CCDC18: variants seen among roughly 807,000 people sequenced by gnomAD.
The protein encoded by CCDC18 is coiled-coil domain-containing protein 18.
A neutral mutation model predicts 196.0 loss-of-function variants in CCDC18; 157 were observed. The observed-to-expected ratio is 0.80, with a 90% CI of 0.70 to 0.91. The LOEUF is 0.91. Ranked by LOEUF, CCDC18 falls within the 40% of genes least tolerant of loss-of-function variation. CCDC18 has a pLI of 0.00. For synonymous variants in CCDC18, 482 were observed against 529.2 expected (o/e 0.91, Z 1.22); for missense variants, 1,465 against 1,611.6 (o/e 0.91, Z 1.56).
intron 23 of CCDC18, among the ~76,000 whole-genome samples, chr1:93,252,019 G>GTCTATCTATCTATCTATCTATCTATCTA (rs55887771): frequency 1.3e-4 from 19 of 150,364 alleles, no homozygotes; most frequent in African/African-American, 4.2e-4. Flanking sequence ...CTATCTGTCT[G>GTCTATCTATCTATCTATCTATCTATCTA]TCTATCTATC....
chr1:93,250,391 A>G (rs989648083), intron 23 of CCDC18, among the ~76,000 whole-genome samples: 4 of 151,776 alleles, frequency 2.6e-5, no homozygotes, highest in Non-Finnish European at 5.9e-5. Context: ...AAAAAAAAAA[A>G]AAAAAAGAAA....
intron 6 of CCDC18, among the ~76,000 whole-genome samples, chr1:93,195,446 G>A (rs1652565667): frequency 6.6e-6 from 1 of 152,160 alleles, no homozygotes; most frequent in Non-Finnish European, 1.5e-5. Flanking sequence ...GGTATGACAT[G>A]AAGACTCTTG....
chr1:93,239,652 T>A (rs773708688), intron 20 of CCDC18, 31 bp from the exon 21 acceptor site: 10 of 1,474,898 alleles, frequency 6.8e-6, no homozygotes, highest in Non-Finnish European at 9.4e-6. Flanking sequence ...GGTTTACATA[T>A]AGTTATAAAA....
chr1:93,253,675 G>C (rs1662559891), intron 23 of CCDC18, among the ~76,000 whole-genome samples: 1 of 152,236 alleles, frequency 6.6e-6, no homozygotes, highest in African/African-American at 2.4e-5. Flanking sequence ...GATGTCAGCA[G>C]GGAGAGAGCC....
Position 93,246,088 on chromosome 1 carries a change from C to T in CCDC18, c.2982-17C>T. 6.5e-7 allele frequency: 1 copy of T among 1,537,634 alleles called. No individual in the cohort carries two copies. Among genetic ancestry groups the T allele is most frequent in the Non-Finnish European group, 8.8e-7 (1 of 1,132,088 alleles). On this transcript the variant is annotated splice_polypyrimidine_tract_variant and intron_variant, in intron 21 of 28. Coordinates refer to ENST00000690025, the MANE Select transcript of CCDC18 (RefSeq NM_001378204.1). ...TTCTACTATCTGCTTTGATCTTTTTCCTTTGATAAATTGTAGAGAATGCAA... is the reference window on the plus strand; with the variant it reads ...TTCTACTATCTGCTTTGATCTTTTTTCTTTGATAAATTGTAGAGAATGCAA...
Position 93,239,745 on chromosome 1 carries a change from C to T in CCDC18, c.2830C>T (p.Arg944Trp), listed in dbSNP as rs781223207. The T allele has an allele frequency of 5.2e-5, 84 of 1,613,540 alleles. No homozygotes were observed. The highest frequency in any genetic ancestry group is 6.5e-5 in the Non-Finnish European group (77 of 1,179,792). Reference sequence around the variant, plus strand: ...TGAACTAACAGAAGCCTTGCAAAAACGGGAAGTACTTGAGACTGAACTACA... The same window carrying T: ...TGAACTAACAGAAGCCTTGCAAAAATGGGAAGTACTTGAGACTGAACTACA... ...ETELTEALQK[R>W]EVLETELQNA... is the part of the protein sequence containing the mutation. The change falls in exon 21 of 29, where the codon CGG becomes TGG. Residue 944 changes from arginine to tryptophan, a missense_variant. Coordinates refer to ENST00000690025, the MANE Select transcript of CCDC18 (RefSeq NM_001378204.1).
Position 93,258,844 on chromosome 1 carries a change from T to C in CCDC18, c.3643T>C (p.Ser1215Pro), listed in dbSNP as rs1557702474. The change falls in exon 26 of 29, where the codon TCA becomes CCA. Residue 1215 changes from serine (S) to proline (P), a missense_variant. Physicochemically the swap from Ser to Pro is moderately conservative, Grantham distance 74. Coordinates refer to ENST00000690025, the MANE Select transcript of CCDC18 (RefSeq NM_001378204.1). ...AATGCAAGCAGAAATCAAGAAATTG[T>C]CAGCAGAAGTAGAATCTCTCAAAGA... is the stretch of plus-strand genomic sequence containing the variant. ...ARMQAEIKKL[S>P]AEVESLKEAY... The C allele has an allele frequency of 1.2e-6, 2 of 1,602,288 alleles. No individual in the cohort carries two copies. The highest frequency in any genetic ancestry group is 1.1e-5 in the South Asian group (1 of 88,646).
chr1:93,270,566 G>C lies in CCDC18; in HGVS notation c.4105G>C (p.Asp1369His), dbSNP rs1237915675. The change falls in exon 28 of 29, where the codon GAT becomes CAT. Residue 1369 changes from aspartate (D) to histidine (H), a missense_variant. By Grantham distance (81) the Asp-to-His change is moderately conservative. Coordinates refer to ENST00000690025, the MANE Select transcript of CCDC18 (RefSeq NM_001378204.1). ...TACTTTCAAAATTCATGGTGATGAA[G>C]ATCTTTCTGAAGAATTACTACAGGA... ...DLTFKIHGDE[D>H]LSEELLQDLK... 1.3e-6 allele frequency: 2 copies of C among 1,550,258 alleles called. No individual in the cohort carries two copies. The highest frequency in any genetic ancestry group is 1.7e-6 in the Non-Finnish European group (2 of 1,146,914).
chr1:93,278,050 G>A (rs1041643831), intron 28 of CCDC18, among the ~76,000 whole-genome samples: 1 of 151,770 alleles, frequency 6.6e-6, no homozygotes, highest in East Asian at 1.9e-4. Flanking sequence ...GCAGTGGTGC[G>A]ATCTCGGCTC....
At chr1:93,248,972 C>CAAAAAA (rs71586786) in intron 23 of CCDC18, among the ~76,000 whole-genome samples, 1 of 95,758 alleles carries the variant, frequency 1.0e-5, no homozygotes, top group African/African-American at 3.6e-5. Context: ...AACCCTGTCT[C>CAAAAAA]AAAAAAAAAA....
chr1:93,210,122 G>A (rs776333266), intron 9 of CCDC18, among the ~76,000 whole-genome samples: 1 of 152,152 alleles, frequency 6.6e-6, no homozygotes, highest in Non-Finnish European at 1.5e-5. Flanking sequence ...TTTGTTTCTT[G>A]TAGTGCTAAG....
In CCDC18 at chr1:93,270,502, G is replaced by C; in HGVS notation, c.4041G>C (p.Lys1347Asn). The C allele has an allele frequency of 6.5e-7, 1 of 1,550,376 alleles. No individual in the cohort carries two copies. The change falls in exon 28 of 29, where the codon AAG becomes AAC. Residue 1347 changes from lysine to asparagine, a missense_variant. By Grantham distance (94) the Lys-to-Asn change is moderately conservative. Transcript: ENST00000690025. ...FAKCFHTSFS[K>N]CTKLRRSISA... Reference sequence around the variant, plus strand: ...AATGTTTTCACACATCTTTTTCCAAGTGTACAAAATTACGTCGCTCTATTA... The same window carrying C: ...AATGTTTTCACACATCTTTTTCCAACTGTACAAAATTACGTCGCTCTATTA...
intron 20 of CCDC18, 88 bp from the exon 21 acceptor site, chr1:93,239,595 A>T: frequency 7.5e-7 from 1 of 1,341,106 alleles, no homozygotes; most frequent in Non-Finnish European, 1.0e-6. Context: ...CCTCTCGTAG[A>T]TGAATATAAT....
intron 21 of CCDC18, among the ~76,000 whole-genome samples, chr1:93,241,310 C>T (rs903881398): frequency 6.6e-6 from 1 of 152,068 alleles, no homozygotes; most frequent in Non-Finnish European, 1.5e-5. Flanking sequence ...TTATCCTTAG[C>T]ACAAAGCATC....
chr1:93,217,059 C>G (rs1414698052), intron 13 of CCDC18, among the ~76,000 whole-genome samples: 2 of 151,438 alleles, frequency 1.3e-5, no homozygotes, highest in Non-Finnish European at 2.9e-5. Context: ...CTCAGCCTCC[C>G]GAGTAGCTGG....
In CCDC18 at chr1:93,221,692, C is replaced by G. The variant is rs989984557; in HGVS notation, c.2046C>G (p.Cys682Trp). The stretch of plus-strand genomic sequence containing the variant: ...CCATGTTGCAACAAGATATAATATG[C>G]AAACAACATCATCTTGAATCACTAG... The part of the protein sequence containing the change: ...TMSMLQQDII[C>W]KQHHLESLDR... The change falls in exon 15 of 29, where the codon TGC (cysteine) becomes TGG (tryptophan). Residue 682 changes from cysteine to tryptophan, a missense_variant. Coordinates refer to ENST00000690025, the MANE Select transcript of CCDC18 (RefSeq NM_001378204.1). 7.5e-6 allele frequency: 12 copies of G among 1,594,730 alleles called. No individual in the cohort carries two copies. Among genetic ancestry groups the G allele is most frequent in the Admixed American group, 1.8e-5 (1 of 54,932 alleles).
Position 93,239,342 on chromosome 1 carries a change from A to G in CCDC18, c.2636A>G (p.Glu879Gly), listed in dbSNP as rs201726385. ...AAGATTGAGATGGATCAGTACAAAG[A>G]AGAGCTGTCTAAAATGGAAAAGGAA... ...QVKIEMDQYK[E>G]ELSKMEKEIM... is the part of the protein sequence containing the mutation. The change falls in exon 20 of 29, where the codon GAA becomes GGA. Residue 879 changes from glutamate (E) to glycine (G), a missense_variant. Glu to Gly is a moderately conservative substitution (Grantham distance 98). Transcript: ENST00000690025. 2.8e-5 allele frequency: 45 copies of G among 1,613,010 alleles called. No individual in the cohort carries two copies. In the African/African-American group the frequency reaches 5.6e-4, roughly 20 times the overall value.
In CCDC18 at chr1:93,232,474, G is replaced by A. The variant is rs748660839; in HGVS notation, c.2341G>A (p.Glu781Lys). 3.1e-6 allele frequency: 5 copies of A among 1,611,462 alleles called. No homozygotes were observed. The highest frequency in any genetic ancestry group is 4.2e-6 in the Non-Finnish European group (5 of 1,178,200). The change falls in exon 18 of 29, where the codon GAG becomes AAG. Residue 781 changes from glutamate (E) to lysine (K), a missense_variant. Glu to Lys is a moderately conservative substitution (Grantham distance 56). Coordinates refer to ENST00000690025, the MANE Select transcript of CCDC18 (RefSeq NM_001378204.1). ...ELKIKNHSLQ[E>K]TSEQNVILQH... Reference sequence around the variant, plus strand: ...AAAGATAAAAAATCACAGTCTTCAAGAGACTTCTGAGCAAAACGTTATTCT... The same window carrying A: ...AAAGATAAAAAATCACAGTCTTCAAAAGACTTCTGAGCAAAACGTTATTCT...
chr1:93,223,210 C>T (rs916689780), intron 16 of CCDC18, among the ~76,000 whole-genome samples: 3 of 152,020 alleles, frequency 2.0e-5, no homozygotes, highest in Non-Finnish European at 4.4e-5. Flanking sequence ...GAGGTATTTC[C>T]GTGTGTTAAT....
Sources: allele counts gnomAD v4.1 joint callset (sites outside exome capture counted in the v4.1 genomes callset), GRCh38; gene constraint gnomAD v4.1.1; transcripts MANE v1.5; gene names NCBI Gene and HGNC (gene_info 2026-07-23, HGNC 2026-07-21).